The following CELSR1 variants were observed in gnomAD, a reference collection of about 807,000 sequenced individuals.
CELSR1 encodes the protein adhesion G protein-coupled receptor C1.
In CELSR1, 110 loss-of-function variants were observed where a neutral mutation model predicts 249.1. The ratio of observed to expected loss-of-function variants is 0.44; its 90% CI spans 0.38 to 0.52. The LOEUF (loss-of-function observed/expected upper bound fraction) is 0.52. Among genes scored for constraint, CELSR1 ranks in the 20% least tolerant of loss-of-function variants. CELSR1 has a pLI of 0.00. For missense variants in CELSR1, 4,109 were observed against 4,296.4 expected, an observed-to-expected ratio of 0.96 and a Z score of 1.22; for synonymous variants, 2,113 against 1,900.0, an observed-to-expected ratio of 1.11 and a Z score of -2.92.
At chr22:46,366,809 C>T (rs879862116) in intron 29 of CELSR1, among the ~76,000 whole-genome samples, 184 bp downstream of exon 29, 31 of 152,190 alleles carry the variant, frequency 2.0e-4, no homozygotes, top group Non-Finnish European at 4.0e-4. Context: ...CAGGCCCCAT[C>T]TGGCCGATTC....
At position 46,366,366 on chromosome 22, in the gene CELSR1, A is replaced by C. The variant is rs1448867598; in HGVS notation, c.8300+20T>G. Reference sequence around the variant, plus strand: ...GGGAGTTCGAGAGCCACCTCCCCGAACCCGGAGCTGCGGCCTGACCTGACG... The same window carrying C: ...GGGAGTTCGAGAGCCACCTCCCCGACCCCGGAGCTGCGGCCTGACCTGACG... On this transcript the variant is annotated intron_variant, in intron 30 of 34. Coordinates refer to ENST00000674500, the MANE Select transcript of CELSR1 (RefSeq NM_001378328.1). 3 of 1,529,212 alleles carry C rather than the reference A, an allele frequency of 2.0e-6. No individual in the cohort carries two copies. Among genetic ancestry groups the C allele is most frequent in the Non-Finnish European group, 2.6e-6 (3 of 1,134,198 alleles). 94.7% of individuals were successfully genotyped at this position (1,529,212 alleles called of 1,614,324 possible).
Position 46,410,833 on chromosome 22 carries a change from C to A in CELSR1, c.4770-272G>T, listed in dbSNP as rs555430723. ...CCCGCCCACCCAGGCTGGTCCACAC[C>A]GAGACAGGATGTGAGCGCAGGGAGC... On this transcript the variant is annotated intron_variant, in intron 6 of 34. Transcript: ENST00000674500. This position sits in a 1 kb window ranked among gnomAD's most constrained non-coding sequence, Gnocchi z 6.8. Among the ~76,000 whole-genome samples the A allele has an allele frequency of 6.6e-6, 1 of 152,010 alleles. No homozygotes were observed. The highest frequency in any genetic ancestry group is 6.6e-5 in the Admixed American group (1 of 15,264).
rs549544887 is a variant in CELSR1 at position 46,380,467 on chromosome 22, G to A, written c.7256+321C>T. ...GCGGTGAACTGGGCACTACACTAGT[G>A]TTGGCCGCTGCATGTCGGGAGTCCC... On this transcript the variant is annotated intron_variant, in intron 22 of 34. Coordinates refer to ENST00000674500, the MANE Select transcript of CELSR1 (RefSeq NM_001378328.1). This position sits in a 1 kb window ranked among gnomAD's most constrained non-coding sequence, Gnocchi z 5.1. Among the ~76,000 whole-genome samples, 82 of 152,360 alleles carry A rather than the reference G, an allele frequency of 5.4e-4. No homozygotes were observed. The highest frequency in any genetic ancestry group is 9.3e-4 in the Non-Finnish European group (63 of 68,042).
rs189576836 is a variant in CELSR1 at position 46,502,773 on chromosome 22, T to C, written c.3544+30854A>G. 1.1e-3 allele frequency among the ~76,000 whole-genome samples: 170 copies of C among 152,100 alleles called. 1 individual carries two copies. Among genetic ancestry groups the C allele is most frequent in the African/African-American group, 3.9e-3 (163 of 41,486 alleles). ...GAACCCCATGATCATAGCCCCACAC[T>C]CTCCTGACTCTCTCTAACTGTTCCC... is the stretch of plus-strand genomic sequence containing the variant. On this transcript the variant is annotated intron_variant, in intron 1 of 34. Coordinates refer to ENST00000674500, the MANE Select transcript of CELSR1 (RefSeq NM_001378328.1).
In CELSR1 at chr22:46,391,783, A is replaced by G; in HGVS notation, c.5998T>C (p.Cys2000Arg). The G allele has an allele frequency of 6.2e-7, 1 of 1,612,700 alleles. No individual in the cohort carries two copies. The highest frequency in any genetic ancestry group is 8.5e-7 in the Non-Finnish European group (1 of 1,179,812). ...TGGGGGAAGCAGTCGCAGGGCAGAC[A>G]GGTGTCCTGGGCTAGGAGCTTGTAG... Reference protein sequence around the residue: ...NYYKLLAQDTCLPCDCFPHGS... With the variant: ...NYYKLLAQDTRLPCDCFPHGS... The change falls in exon 15 of 35, where the codon TGT becomes CGT. Residue 2000 changes from cysteine (C) to arginine (R), a missense_variant. By Grantham distance (180) the Cys-to-Arg change is radical. Coordinates refer to ENST00000674500, the MANE Select transcript of CELSR1 (RefSeq NM_001378328.1). This position sits in a 1 kb window ranked among gnomAD's most constrained non-coding sequence, Gnocchi z 4.3.
chr22:46,391,365 G>A lies in CELSR1; in HGVS notation c.6149-78C>T, dbSNP rs1440253244. ...CACAAACAGGCACCACTGTCTGCATGCGCCTCCCTGCAGGAGGCCCTGCTC... is the reference window on the plus strand; with the variant it reads ...CACAAACAGGCACCACTGTCTGCATACGCCTCCCTGCAGGAGGCCCTGCTC... On this transcript the variant is annotated intron_variant, in intron 15 of 34. Transcript: ENST00000674500. The surrounding 1 kb of genome is among the most constrained non-coding windows in gnomAD (Gnocchi z 4.3). 3 of 1,291,934 alleles carry A rather than the reference G, an allele frequency of 2.3e-6. No individual in the cohort carries two copies. Among genetic ancestry groups the A allele is most frequent in the Admixed American group, 1.9e-5 (1 of 51,760 alleles). 80.0% of individuals were successfully genotyped at this position (1,291,934 alleles called of 1,614,324 possible).
intron 29 of CELSR1, 109 bp from the exon 30 acceptor site, chr22:46,366,589 G>T: frequency 1.1e-6 from 1 of 898,648 alleles, no homozygotes; most frequent in Non-Finnish European, 1.8e-6. Flanking sequence ...ACCCTGGCTG[G>T]GCCCCTGCCT....
chr22:46,507,904 A>AC (rs367636521), intron 1 of CELSR1, among the ~76,000 whole-genome samples: 1 of 151,172 alleles, frequency 6.6e-6, no homozygotes, highest in Non-Finnish European at 1.5e-5. Flanking sequence ...ACCTCCTCAC[A>AC]CCCCCCTACC....
At chr22:46,394,028 C>A in intron 14 of CELSR1, 114 bp downstream of exon 14, 1 of 1,370,452 alleles carries the variant, frequency 7.3e-7, no homozygotes, top group South Asian at 1.3e-5. Context: ...GGTGTGTGTG[C>A]AGGGGTGTGA....
chr22:46,443,036 T>C (rs2079771978), intron 2 of CELSR1, among the ~76,000 whole-genome samples: 1 of 151,072 alleles, frequency 6.6e-6, no homozygotes, highest in Non-Finnish European at 1.5e-5. Context: ...AGGCGGAGCT[T>C]GCAGTGAGCC....
At chr22:46,474,340 C>T (rs971491688) in intron 1 of CELSR1, among the ~76,000 whole-genome samples, 2 of 152,102 alleles carry the variant, frequency 1.3e-5, no homozygotes, top group African/African-American at 2.4e-5. Context: ...TCCAAGTCCA[C>T]ACTCTGTAAC....
Position 46,395,995 on chromosome 22 carries a change from G to A in CELSR1, c.5843+610C>T, listed in dbSNP as rs2079143752. Among the ~76,000 whole-genome samples, 2 of 152,140 alleles carry A rather than the reference G, an allele frequency of 1.3e-5. No individual in the cohort carries two copies. Among genetic ancestry groups the A allele is most frequent in the Non-Finnish European group, 1.5e-5 (1 of 68,030 alleles). On this transcript the variant is annotated intron_variant, in intron 13 of 34. Transcript: ENST00000674500. The surrounding 1 kb of genome is among the most constrained non-coding windows in gnomAD (Gnocchi z 5.5). Reference sequence around the variant, plus strand: ...AAAGCATTCTCTGTAAACCACATGCGTCTCCCTGCATCTCATGGGGCCTGT... The same window carrying A: ...AAAGCATTCTCTGTAAACCACATGCATCTCCCTGCATCTCATGGGGCCTGT...
rs117611628 is a variant in CELSR1, at chr22:46,466,194, C to T, written c.3545-1849G>A. Among the ~76,000 whole-genome samples, 867 of 152,308 alleles carry T rather than the reference C, an allele frequency of 5.7e-3. 1 individual carries two copies. The highest frequency in any genetic ancestry group is 7.1e-3 in the Non-Finnish European group (486 of 68,028). ...GGGGAAAACAAATGAGGCCAAAAGG[C>T]CTGAGGCAAAGGACATGGTGGGAGA... On this transcript the variant is annotated intron_variant, in intron 1 of 34. Transcript: ENST00000674500.
intron 5 of CELSR1, among the ~76,000 whole-genome samples, chr22:46,426,783 C>T (rs2079542414): frequency 6.6e-6 from 1 of 152,162 alleles, no homozygotes. Context: ...GGAGTGGGTC[C>T]ACTGTCTTGC....
In CELSR1 at chr22:46,448,530, T is replaced by C. The variant is rs998873301; in HGVS notation, c.4184-9119A>G. On this transcript the variant is annotated intron_variant, in intron 2 of 34. Transcript: ENST00000674500. This position sits in a 1 kb window ranked among gnomAD's most constrained non-coding sequence, Gnocchi z 5.7. ...AAGATTGACCACTTAAGTTCTTAAA[T>C]AAATAAAAAGACAATTCCTTTCTGG... 1.5e-4 allele frequency: 63 copies of C among 433,896 alleles called. No homozygotes were observed. Among genetic ancestry groups the C allele is most frequent in the Non-Finnish European group, 2.8e-4 (61 of 219,162 alleles). The allele number at this position is 433,896 out of a possible 1,614,324, so 26.9% of individuals were successfully genotyped here.
chr22:46,463,455 G>A (rs2080055578), intron 2 of CELSR1, among the ~76,000 whole-genome samples: 2 of 151,866 alleles, frequency 1.3e-5, no homozygotes, highest in Non-Finnish European at 2.9e-5. Context: ...GGCGGAGGTT[G>A]TAGTGAGCGA....
chr22:46,451,047 A>C (rs2079877853), intron 2 of CELSR1, among the ~76,000 whole-genome samples: 3 of 148,564 alleles, frequency 2.0e-5, no homozygotes, highest in Non-Finnish European at 3.0e-5. Flanking sequence ...TCCATGCCCC[A>C]CTCCCTCTCC....
intron 1 of CELSR1, among the ~76,000 whole-genome samples, chr22:46,479,469 C>T (rs1171045017): frequency 2.0e-5 from 3 of 152,138 alleles, no homozygotes; most frequent in African/African-American, 7.2e-5. Context: ...GAAAAAGCTA[C>T]CCACGGTGGC....
Position 46,363,888 on chromosome 22 carries a change from G to T in CELSR1, c.9035+108C>A. Reference sequence around the variant, plus strand: ...CGCCTGGGCTTCCTCTGCACTCAGGGCTCCAGGTGAGGTGGGTGTCAGGTC... The same window carrying T: ...CGCCTGGGCTTCCTCTGCACTCAGGTCTCCAGGTGAGGTGGGTGTCAGGTC... On this transcript the variant is annotated intron_variant, in intron 34 of 34. Coordinates refer to ENST00000674500, the MANE Select transcript of CELSR1 (RefSeq NM_001378328.1). This position sits in a 1 kb window ranked among gnomAD's most constrained non-coding sequence, Gnocchi z 4.3. The T allele has an allele frequency of 7.2e-7, 1 of 1,381,006 alleles. No individual in the cohort carries two copies. The highest frequency in any genetic ancestry group is 9.5e-7 in the Non-Finnish European group (1 of 1,049,848). The allele number at this position is 1,381,006 out of a possible 1,614,324, so 85.5% of individuals were successfully genotyped here.
Sources: gnomAD v4.1 joint callset for allele counts (sites outside exome capture counted in the v4.1 genomes callset) on GRCh38, gnomAD v4.1.1 for gene constraint, Gnocchi (gnomAD v3.1) non-coding constraint, MANE v1.5 for transcripts, NCBI Gene and HGNC (gene_info 2026-07-23, HGNC 2026-07-21) for gene names.